Variants in SETD5 observed in about 807,000 individuals in gnomAD.
SETD5 encodes histone-lysine N-methyltransferase SETD5.
Under a neutral mutation model 153.3 loss-of-function variants are expected in SETD5, and 44 were observed. The observed-to-expected ratio is 0.29, with a 90% confidence interval of 0.23 to 0.37. The LOEUF is 0.37. Ranked by LOEUF, SETD5 falls within the 10% of genes least tolerant of loss-of-function variation. SETD5 has a pLI of 1.00. For synonymous variants in SETD5, 716 were observed against 645.2 expected (o/e 1.11, Z -1.66); for missense variants, 1,544 against 1,768.0 (o/e 0.87, Z 2.27).
Position 9,447,132 on chromosome 3 carries a change from T to C in SETD5, c.1607T>C (p.Leu536Ser). 6.2e-7 allele frequency: 1 copy of C among 1,614,018 alleles called. No homozygotes were observed. The highest frequency in any genetic ancestry group is 8.5e-7 in the Non-Finnish European group (1 of 1,179,908). The change falls in exon 14 of 23, where the codon TTG (leucine) becomes TCG (serine). Residue 536 changes from leucine (L) to serine (S), a missense_variant. By Grantham distance (145) the Leu-to-Ser change is moderately radical. Coordinates refer to ENST00000402198, the MANE Select transcript of SETD5 (RefSeq NM_001080517.3). ...EKRKKRRDQP[L>S]EQSNSDVEIT... is the part of the protein sequence containing the mutation. ...AGAAAGAAGCGGCGGGATCAGCCCTTGGAACAGAGCAACTCTGATGTAGAG... is the reference window on the plus strand; with the variant it reads ...AGAAAGAAGCGGCGGGATCAGCCCTCGGAACAGAGCAACTCTGATGTAGAG...
At chr3:9,410,259 AC>A (rs1295643401) in intron 1 of SETD5, among the ~76,000 whole-genome samples, 1 of 152,202 alleles carries the variant, frequency 6.6e-6, no homozygotes, top group African/African-American at 2.4e-5. Flanking sequence ...GATAAAGTAA[AC>A]ATACGGTATA....
rs769292228 is a variant in SETD5, at chr3:9,445,088, A to G, written c.1228A>G (p.Asn410Asp). ...VDCACHKGNR[N>D]CPIQKRNPNA... ...CTGTGCCTGTCACAAGGGAAACCGG[A>G]ATTGTCCTATACAAAAAAGGAATCC... The change falls in exon 12 of 23, where the codon AAT (asparagine) becomes GAT (aspartate). Residue 410 changes from asparagine to aspartate, a missense_variant. Physicochemically the swap from Asn to Asp is conservative, Grantham distance 23. Around this residue, in one of 9 missense-constraint regions of SETD5, gnomAD observed 46 missense variants for 111.8 expected, o/e 0.41. Coordinates refer to ENST00000402198, the MANE Select transcript of SETD5 (RefSeq NM_001080517.3). The G allele has an allele frequency of 3.1e-6, 5 of 1,613,936 alleles. No individual in the cohort carries two copies. The highest frequency in any genetic ancestry group is 3.4e-6 in the Non-Finnish European group (4 of 1,179,842).
intron 3 of SETD5, chr3:9,433,364 CT>C: frequency 1.6e-6 from 2 of 1,289,670 alleles, no homozygotes; most frequent in Non-Finnish European, 2.0e-6. Flanking sequence ...CCTGTACTTT[CT>C]TCAGGGTATC....
chr3:9,445,635 G>C (rs2041847152), intron 12 of SETD5, 22 bp from the exon 13 acceptor site: 2 of 1,597,266 alleles, frequency 1.3e-6, no homozygotes, highest in East Asian at 2.2e-5. Flanking sequence ...GAGTACAGCT[G>C]AATATTGCCT....
intron 7 of SETD5, chr3:9,437,029 T>C (rs888264119): frequency 1.4e-6 from 1 of 716,476 alleles, no homozygotes; most frequent in Non-Finnish European, 2.2e-6. Context: ...TCAGTTTTCA[T>C]AGAGCTTTTC....
intron 15 of SETD5, 139 bp downstream of exon 15, chr3:9,448,145 T>G: frequency 8.6e-7 from 1 of 1,164,704 alleles, no homozygotes; most frequent in Admixed American, 2.9e-5. Flanking sequence ...CACAAAAGGC[T>G]GGAGTCATCC....
chr3:9,445,491 C>T, intron 12 of SETD5, 166 bp from the exon 13 acceptor site: 1 of 889,984 alleles, frequency 1.1e-6, no homozygotes, highest in East Asian at 2.6e-5. Flanking sequence ...TGGTTTTGCA[C>T]CAGAGAATAG....
At position 9,475,925 on chromosome 3, in the gene SETD5, C is replaced by T. The variant is rs1029909331; in HGVS notation, c.4163C>T (p.Thr1388Ile). 1 of 1,614,026 alleles carries T rather than the reference C, an allele frequency of 6.2e-7. No individual in the cohort carries two copies. The highest frequency in any genetic ancestry group is 1.3e-5 in the African/African-American group (1 of 75,050). ...TCGTCATTGCCATCAGACTTACGGA[C>T]TATCAGTCTGCCCAGTGCTGGGCAG... ...SRSSLPSDLRTISLPSAGQSA... is the reference protein window; with the variant it reads ...SRSSLPSDLRIISLPSAGQSA... The change falls in exon 23 of 23, where the codon ACT becomes ATT. Residue 1388 changes from threonine (T) to isoleucine (I), a missense_variant. Around this residue, in one of 9 missense-constraint regions of SETD5, gnomAD observed 302 missense variants for 277.6 expected, o/e 1.09. Coordinates refer to ENST00000402198, the MANE Select transcript of SETD5 (RefSeq NM_001080517.3).
intron 1 of SETD5, among the ~76,000 whole-genome samples, chr3:9,417,732 G>T (rs1371982518): frequency 1.3e-5 from 2 of 151,486 alleles, no homozygotes; most frequent in Admixed American, 6.6e-5. Flanking sequence ...TGATCCGCCC[G>T]CCTCGGCCTC....
chr3:9,420,759 C>T (rs2038252002), intron 1 of SETD5, among the ~76,000 whole-genome samples: 1 of 151,984 alleles, frequency 6.6e-6, no homozygotes, highest in Non-Finnish European at 1.5e-5. Context: ...TCTCCAAGTG[C>T]TCTTTTAGAG....
Position 9,458,108 on chromosome 3 carries a change from T to C in SETD5, c.2476+4240T>C, listed in dbSNP as rs575335062. On this transcript the variant is annotated intron_variant, in intron 17 of 22. Coordinates refer to ENST00000402198, the MANE Select transcript of SETD5 (RefSeq NM_001080517.3). ...AAAGTTGGTAAATTGTCATGGAATTTTTAGTTAGGAGATTGAAAAAGAATT... is the reference window on the plus strand; with the variant it reads ...AAAGTTGGTAAATTGTCATGGAATTCTTAGTTAGGAGATTGAAAAAGAATT... 2.8e-4 allele frequency among the ~76,000 whole-genome samples: 43 copies of C among 152,156 alleles called. No individual in the cohort carries two copies. In the South Asian group the frequency reaches 8.3e-3, roughly 29 times the overall value.
At chr3:9,446,674 G>C (rs1324993573) in intron 13 of SETD5, among the ~76,000 whole-genome samples, 1 of 151,892 alleles carries the variant, frequency 6.6e-6, no homozygotes, top group African/African-American at 2.4e-5. Flanking sequence ...TTGTATTTTA[G>C]TAGAGACGGA....
At chr3:9,403,034 C>T (rs1356156125) in intron 1 of SETD5, among the ~76,000 whole-genome samples, 1 of 152,028 alleles carries the variant, frequency 6.6e-6, no homozygotes, top group Admixed American at 6.5e-5. Context: ...ACAAAGGGCT[C>T]TTTGCACAGC....
chr3:9,437,247 A>C (rs1261936251), intron 7 of SETD5, among the ~76,000 whole-genome samples: 4 of 152,080 alleles, frequency 2.6e-5, no homozygotes, highest in Non-Finnish European at 4.4e-5. Flanking sequence ...TTGTGCATCT[A>C]CCCTAGCACT....
At chr3:9,408,387 C>T (rs930183979) in intron 1 of SETD5, among the ~76,000 whole-genome samples, 10 of 152,128 alleles carry the variant, frequency 6.6e-5, no homozygotes, top group Admixed American at 1.3e-4. Flanking sequence ...TTATTAAAAA[C>T]TCCAATTACT....
At chr3:9,413,655 T>TGG (rs1257165643) in intron 1 of SETD5, among the ~76,000 whole-genome samples, 4 of 149,350 alleles carry the variant, frequency 2.7e-5, no homozygotes, top group Non-Finnish European at 5.9e-5. Flanking sequence ...GCGGGGTGTG[T>TGG]GTGTGTGTGT....
intron 6 of SETD5, 105 bp from the exon 7 acceptor site, chr3:9,435,623 G>A: frequency 9.8e-7 from 1 of 1,016,526 alleles, no homozygotes. Context: ...AGTTAATAGT[G>A]GAAGTAATGG....
chr3:9,458,305 A>AAT (rs948570452), intron 17 of SETD5, among the ~76,000 whole-genome samples: 4 of 152,144 alleles, frequency 2.6e-5, no homozygotes, highest in Non-Finnish European at 5.9e-5. Flanking sequence ...GGCACATTCA[A>AAT]ATATATATAT....
Position 9,470,689 on chromosome 3 carries a change from T to C in SETD5, c.2955T>C (p.Tyr985=). Residue 985 remains tyrosine, a synonymous_variant, in exon 19 of 23, where the codon TAT becomes TAC. Transcript: ENST00000402198. ...TTCGGACAGAGTTCAACTTGATGTA[T>C]GCCTACTCCCCTTTGAATGCTATGC... ...QAFRTEFNLM[Y]AYSPLNAMPR... is the part of the protein sequence containing the mutation. 1 of 1,614,044 alleles carries C rather than the reference T, an allele frequency of 6.2e-7. No individual in the cohort carries two copies. The highest frequency in any genetic ancestry group is 8.5e-7 in the Non-Finnish European group (1 of 1,179,898).
Sources: gnomAD v4.1 joint callset for allele counts (sites outside exome capture counted in the v4.1 genomes callset) on GRCh38, gnomAD v4.1.1 for gene constraint, gnomAD v4.1.1 regional missense constraint, MANE v1.5 for transcripts, NCBI Gene and HGNC (gene_info 2026-07-23, HGNC 2026-07-21) for gene names.